The following TRHDE variants were observed in gnomAD, a reference collection of about 807,000 sequenced individuals.
TRHDE encodes the protein thyrotropin releasing hormone degrading enzyme.
In TRHDE, 72 loss-of-function variants were observed where a neutral mutation model predicts 125.7. The observed-to-expected ratio is 0.57, with a 90% CI of 0.47 to 0.70. The LOEUF is 0.70. TRHDE is among the 30% of genes least tolerant of loss of function. TRHDE has a pLI of 0.00. For synonymous variants in TRHDE, 509 were observed against 509.1 expected (o/e 1.00, Z 0.00); for missense variants, 1,110 against 1,327.1 (o/e 0.84, Z 2.54).
intron 3 of TRHDE, among the ~76,000 whole-genome samples, chr12:72,383,471 G>A (rs1872276220): frequency 6.7e-6 from 1 of 149,798 alleles, no homozygotes; most frequent in African/African-American, 2.5e-5. Context: ...CCGCCTTCCG[G>A]GTTCAGCTGA....
intron 2 of TRHDE, among the ~76,000 whole-genome samples, chr12:72,259,991 A>G (rs1022770846): frequency 3.3e-5 from 5 of 152,228 alleles, no homozygotes; most frequent in Non-Finnish European, 5.9e-5. Flanking sequence ...TGAGTATTTT[A>G]TTTATTTAAA....
At chr12:72,539,141 C>T (rs915370209) in intron 6 of TRHDE, among the ~76,000 whole-genome samples, 2 of 151,764 alleles carry the variant, frequency 1.3e-5, no homozygotes, top group African/African-American at 4.8e-5. Flanking sequence ...TTCTTTAGAC[C>T]CTCGTTATCC....
chr12:72,306,115 A>G lies in TRHDE; in HGVS notation c.1188+19161A>G, dbSNP rs368199302. 1.2e-4 allele frequency among the ~76,000 whole-genome samples: 19 copies of G among 152,242 alleles called. No individual in the cohort carries two copies. The South Asian group carries it at 1.7e-3, about 13-fold the overall frequency. On this transcript the variant is annotated intron_variant, in intron 2 of 18. Coordinates refer to ENST00000261180, the MANE Select transcript of TRHDE (RefSeq NM_013381.3). ...GGCCAAGTGTTTTTTCTGCTGGTGG[A>G]TATCAAATCGAAACTCAGTTTTCTT... is the stretch of plus-strand genomic sequence containing the variant.
chr12:72,100,654 C>T (rs183960091), intron 1 of TRHDE, among the ~76,000 whole-genome samples: 60 of 152,098 alleles, frequency 3.9e-4, no homozygotes, highest in African/African-American at 1.3e-3. Context: ...CTTGCTAGTC[C>T]CTTTGGGATC....
chr12:72,379,555 C>G (rs139219460), intron 3 of TRHDE, among the ~76,000 whole-genome samples: 174 of 152,296 alleles, frequency 1.1e-3, no homozygotes, highest in African/African-American at 3.9e-3. Flanking sequence ...GTAAAATTCA[C>G]AAGTGCTTAT....
chr12:72,270,069 CT>C (rs1304792713), upstream of TRHDE, among the ~76,000 whole-genome samples: 8 of 152,268 alleles, frequency 5.3e-5, no homozygotes, highest in East Asian at 1.5e-3. Context: ...TGGTGACCTG[CT>C]GAGGATCGCA....
chr12:72,660,155 T>A (rs560263728), intron 18 of TRHDE, among the ~76,000 whole-genome samples: 2 of 152,320 alleles, frequency 1.3e-5, no homozygotes, highest in South Asian at 4.1e-4. Flanking sequence ...AGGCAGCATA[T>A]GTCAGCGTTT....
At chr12:72,535,046 A>G (rs549527821) in intron 6 of TRHDE, among the ~76,000 whole-genome samples, 1 of 152,154 alleles carries the variant, frequency 6.6e-6, no homozygotes, top group South Asian at 2.1e-4. Flanking sequence ...GCAGGGGACT[A>G]ACATAAAAAT....
intron 3 of TRHDE, among the ~76,000 whole-genome samples, chr12:72,435,456 T>C (rs1874696408): frequency 6.6e-6 from 1 of 152,154 alleles, no homozygotes; most frequent in African/African-American, 2.4e-5. Context: ...TATTCAGGAT[T>C]GAATGATTCT....
At chr12:72,410,910 A>C (rs1873470761) in intron 3 of TRHDE, among the ~76,000 whole-genome samples, 1 of 151,922 alleles carries the variant, frequency 6.6e-6, no homozygotes, top group Non-Finnish European at 1.5e-5. Context: ...AACAACATAC[A>C]GGCCGGGCCC....
intron 7 of TRHDE, among the ~76,000 whole-genome samples, chr12:72,559,561 TC>T (rs543503802): frequency 0.011 from 1,639 of 152,312 alleles, 28 homozygotes; most frequent in African/African-American, 0.037. Context: ...CTGGTGATTA[TC>T]TTTATTTGAT....
intron 2 of TRHDE, among the ~76,000 whole-genome samples, chr12:72,250,159 C>T (rs1878649666): frequency 6.6e-6 from 1 of 152,088 alleles, no homozygotes; most frequent in Non-Finnish European, 1.5e-5. Flanking sequence ...GAGCAAGAGG[C>T]CAAGGGAACT....
At chr12:72,365,713 G>T (rs865988824) in intron 2 of TRHDE, among the ~76,000 whole-genome samples, 9 of 152,110 alleles carry the variant, frequency 5.9e-5, no homozygotes, top group African/African-American at 2.2e-4. Flanking sequence ...ATCCGAAGCA[G>T]TGAATTAACT....
intron 6 of TRHDE, among the ~76,000 whole-genome samples, chr12:72,506,877 A>G (rs545468650): frequency 1.6e-4 from 25 of 152,258 alleles, no homozygotes; most frequent in African/African-American, 5.8e-4. Flanking sequence ...ACCAAATATC[A>G]TGTCAAATTA....
In TRHDE at chr12:72,295,092, C is replaced by T. The variant is rs183919970; in HGVS notation, c.1188+8138C>T. On this transcript the variant is annotated intron_variant, in intron 2 of 18. Coordinates refer to ENST00000261180, the MANE Select transcript of TRHDE (RefSeq NM_013381.3). ...AGTCCGCAGCTGTGGTTTGGGTGAC[C>T]GCAGCTGTGGTTTGGGTGACTGCAG... Among the ~76,000 whole-genome samples, 1,205 of 140,004 alleles carry T rather than the reference C, an allele frequency of 8.6e-3. 15 individuals carry two copies. The highest frequency in any genetic ancestry group is 0.015 in the Middle Eastern group (4 of 270). The allele number at this position is 140,004 out of a possible 152,430, so 91.8% of individuals were successfully genotyped here. A position where few individuals can be genotyped will look rare whatever the true frequency, so the allele number is the denominator to read the frequency against.
At chr12:72,625,332 C>T (rs1565814479) in intron 15 of TRHDE, among the ~76,000 whole-genome samples, 1 of 151,664 alleles carries the variant, frequency 6.6e-6, no homozygotes, top group East Asian at 1.9e-4. Flanking sequence ...ATAATAATGT[C>T]CATTCCCTAA....
intron 12 of TRHDE, chr12:72,582,221 T>C: frequency 2.0e-6 from 2 of 978,952 alleles, no homozygotes; most frequent in Non-Finnish European, 2.4e-6. Context: ...TTTACTTGTC[T>C]AACAGCTTAT....
intron 5 of TRHDE, among the ~76,000 whole-genome samples, chr12:72,495,167 A>G (rs987566617): frequency 2.7e-5 from 4 of 150,410 alleles, no homozygotes; most frequent in Admixed American, 6.7e-5. Flanking sequence ...CAAGGCATCA[A>G]AGTATCAACA....
At chr12:72,415,778 C>G (rs947561052) in intron 3 of TRHDE, among the ~76,000 whole-genome samples, 31 of 151,996 alleles carry the variant, frequency 2.0e-4, no homozygotes, top group Non-Finnish European at 4.1e-4. Flanking sequence ...TTTCTTTATT[C>G]ATTTGTTGAT....
Sources: gnomAD v4.1 joint callset for allele counts (sites outside exome capture counted in the v4.1 genomes callset) on GRCh38, gnomAD v4.1.1 for gene constraint, MANE v1.5 for transcripts, NCBI Gene and HGNC (gene_info 2026-07-23, HGNC 2026-07-21) for gene names.